Variants in RSU1 observed in about 807,000 individuals in gnomAD.
The protein encoded by RSU1 is rsu-1.
A neutral mutation model predicts 31.1 loss-of-function variants in RSU1; 26 were observed. That is an observed-to-expected ratio of 0.84 (90% CI 0.61 to 1.16). The LOEUF is 1.16. Ranked by LOEUF, RSU1 falls within the 50% of genes most tolerant of loss-of-function variation. The pLI is 0.00. For missense variants in RSU1, 320 were observed against 339.1 expected (o/e 0.94, Z 0.44); for synonymous variants, 164 against 136.3 (o/e 1.20, Z -1.41).
chr10:16,755,272 G>A (rs1399715466), intron 4 of RSU1, among the ~76,000 whole-genome samples: 4 of 151,900 alleles, frequency 2.6e-5, no homozygotes, highest in East Asian at 1.9e-4. Flanking sequence ...ACAGATGCAC[G>A]CCACCACGCC....
At chr10:16,675,543 A>T (rs1032009835) in intron 8 of RSU1, among the ~76,000 whole-genome samples, 1 of 152,200 alleles carries the variant, frequency 6.6e-6, no homozygotes, top group Non-Finnish European at 1.5e-5. Flanking sequence ...CAATTCCAGA[A>T]CACTAGAGAC....
chr10:16,658,171 T>G (rs11599543), intron 8 of RSU1, among the ~76,000 whole-genome samples: 1 of 152,044 alleles, frequency 6.6e-6, no homozygotes, highest in Non-Finnish European at 1.5e-5. Context: ...ATATTTTGTG[T>G]TTTAATTTTT....
At chr10:16,715,118 T>C (rs7093942) in intron 7 of RSU1, among the ~76,000 whole-genome samples, 10,125 of 152,244 alleles carry the variant, frequency 0.067, 652 homozygotes, top group African/African-American at 0.17. Context: ...ACAGGAAGTT[T>C]GCTGCTCCCC....
intron 8 of RSU1, among the ~76,000 whole-genome samples, chr10:16,602,546 A>C (rs1182608034): frequency 6.6e-6 from 1 of 152,206 alleles, no homozygotes; most frequent in Non-Finnish European, 1.5e-5. Flanking sequence ...CAGGGAGTGC[A>C]GGCTTAACTT....
In RSU1 at chr10:16,593,312, GTTTA is replaced by G. The variant is rs1833543251; in HGVS notation, c.*78_*81del. 1.3e-6 allele frequency: 2 copies of G among 1,599,804 alleles called. No individual in the cohort carries two copies. The highest frequency in any genetic ancestry group is 1.1e-5 in the South Asian group (1 of 89,608). ...AAAAAGGCCTCACACGCAGCATTGGGTTTATTTGAGAGACAGGGCAAGAGAGAAT... is the reference window on the plus strand; with the variant it reads ...AAAAAGGCCTCACACGCAGCATTGGGTTTGAGAGACAGGGCAAGAGAGAAT... On this transcript the variant is annotated 3_prime_UTR_variant, in exon 9 of 9. Coordinates refer to ENST00000345264, the MANE Select transcript of RSU1 (RefSeq NM_012425.4).
intron 2 of RSU1, among the ~76,000 whole-genome samples, chr10:16,806,781 C>A (rs188145163): frequency 7.9e-5 from 12 of 152,250 alleles, no homozygotes; most frequent in Admixed American, 6.5e-4. Context: ...TTGAAAGAGT[C>A]TCACTCTTGT....
At chr10:16,632,558 C>G (rs1288974175) in intron 8 of RSU1, among the ~76,000 whole-genome samples, 1 of 152,192 alleles carries the variant, frequency 6.6e-6, no homozygotes, top group Non-Finnish European at 1.5e-5. Flanking sequence ...TGCATCCTAT[C>G]ACAACCACCA....
At chr10:16,598,534 T>C (rs1287268983) in intron 8 of RSU1, among the ~76,000 whole-genome samples, 2 of 152,120 alleles carry the variant, frequency 1.3e-5, no homozygotes, top group African/African-American at 4.8e-5. Flanking sequence ...AGCCTGGCCA[T>C]AGGGCAAGAC....
chr10:16,789,414 T>A (rs1224019525), intron 2 of RSU1, among the ~76,000 whole-genome samples: 1 of 152,112 alleles, frequency 6.6e-6, no homozygotes, highest in African/African-American at 2.4e-5. Flanking sequence ...CCAGGTCGGG[T>A]CTGCAGGGAA....
chr10:16,803,413 TATG>T (rs1318024033), intron 2 of RSU1, among the ~76,000 whole-genome samples: 2 of 152,166 alleles, frequency 1.3e-5, no homozygotes, highest in East Asian at 3.8e-4. Flanking sequence ...TCAACACTGT[TATG>T]ATGTCAGTTC....
At chr10:16,707,451 T>C (rs1383855331) in intron 7 of RSU1, among the ~76,000 whole-genome samples, 1 of 152,214 alleles carries the variant, frequency 6.6e-6, no homozygotes, top group Non-Finnish European at 1.5e-5. Flanking sequence ...ATCGTGGTTC[T>C]GATTTGCACT....
chr10:16,782,260 G>A (rs1315432433), intron 2 of RSU1, among the ~76,000 whole-genome samples, 176 bp from the exon 3 acceptor site: 4 of 152,158 alleles, frequency 2.6e-5, no homozygotes, highest in Admixed American at 6.5e-5. Flanking sequence ...TAAACCAAAG[G>A]AAGAAAAGGC....
chr10:16,752,443 T>A (rs1836997538), intron 7 of RSU1, 96 bp downstream of exon 7: 1 of 852,386 alleles, frequency 1.2e-6, no homozygotes, highest in Non-Finnish European at 2.0e-6. Context: ...TGGAGAGTAG[T>A]TGCCAAGAAG....
chr10:16,695,253 AAACCCT>A (rs1835653074), intron 7 of RSU1, 98 bp from the exon 8 acceptor site: 2 of 1,182,894 alleles, frequency 1.7e-6, no homozygotes, highest in Non-Finnish European at 2.3e-6. Flanking sequence ...ACCCTAAATC[AAACCCT>A]AAGTGCCTCT....
intron 2 of RSU1, among the ~76,000 whole-genome samples, chr10:16,801,304 A>G (rs1176561942): frequency 6.6e-6 from 1 of 152,216 alleles, no homozygotes; most frequent in Non-Finnish European, 1.5e-5. Flanking sequence ...AAAGGGTATT[A>G]CATGACGATT....
At chr10:16,758,994 A>G (rs759461296) in intron 4 of RSU1, among the ~76,000 whole-genome samples, 1 of 152,192 alleles carries the variant, frequency 6.6e-6, no homozygotes, top group African/African-American at 2.4e-5. Flanking sequence ...GGAGAAGTTG[A>G]TAAAACCAGG....
chr10:16,611,956 A>G (rs1295383782), intron 8 of RSU1, among the ~76,000 whole-genome samples: 2 of 152,220 alleles, frequency 1.3e-5, no homozygotes, highest in Non-Finnish European at 2.9e-5. Context: ...ACCCTTAGAC[A>G]AGTTACCTAA....
chr10:16,730,684 G>A (rs982563381), intron 7 of RSU1, among the ~76,000 whole-genome samples: 8 of 152,104 alleles, frequency 5.3e-5, no homozygotes, highest in African/African-American at 7.2e-5. Context: ...CAACACACTG[G>A]AGAAATTATA....
chr10:16,691,097 A>T (rs912248279), intron 8 of RSU1, among the ~76,000 whole-genome samples: 2 of 152,228 alleles, frequency 1.3e-5, no homozygotes, highest in Non-Finnish European at 2.9e-5. Flanking sequence ...TTTTAAAAAA[A>T]CTATGAGTAT....
Sources: gnomAD v4.1 joint callset for allele counts (sites outside exome capture counted in the v4.1 genomes callset) on GRCh38, gnomAD v4.1.1 for gene constraint, MANE v1.5 for transcripts, NCBI Gene and HGNC (gene_info 2026-07-23, HGNC 2026-07-21) for gene names.